Variants in DAP observed in about 807,000 individuals in gnomAD.
DAP encodes death-associated protein 1.
In DAP, 8 loss-of-function variants were observed where a neutral mutation model predicts 13.8. The observed-to-expected ratio is 0.58, with a 90% CI of 0.34 to 1.05. The LOEUF (loss-of-function observed/expected upper bound fraction) is 1.05, where lower values mean the gene tolerates loss of function less well. Ranked by LOEUF, DAP falls within the 50% of genes least tolerant of loss-of-function variation. The probability of loss-of-function intolerance (pLI) is 0.03; values close to 1 mark genes in which losing one functional copy is unlikely to be tolerated. For synonymous variants in DAP, 47 were observed against 47.5 expected, an observed-to-expected ratio of 0.99 and a Z score of 0.04; for missense variants, 106 against 133.2, an observed-to-expected ratio of 0.80 and a Z score of 1.01.
chr5:10,705,472 G>T (rs907251610), intron 2 of DAP, among the ~76,000 whole-genome samples: 4 of 152,216 alleles, frequency 2.6e-5, no homozygotes, highest in Non-Finnish European at 5.9e-5. Flanking sequence ...CAGAAGCCTG[G>T]GCTCTCTCCA....
chr5:10,733,204 GTGTA>G lies in DAP; in HGVS notation c.152+14967_152+14970del, dbSNP rs1164028667. Among the ~76,000 whole-genome samples the G allele has an allele frequency of 1.6e-3, 55 of 34,228 alleles. 1 individual carries two copies. Among genetic ancestry groups the G allele is most frequent in the Non-Finnish European group, 3.4e-3 (32 of 9,514 alleles). The allele number at this position is 34,228 out of a possible 152,430, so 22.5% of individuals were successfully genotyped here. ...TGTGTGTGTGTGTGTGTGTGTGTGT[GTGTA>G]TACCCTACATTTTGTTTCTCCATTC... is the stretch of plus-strand genomic sequence containing the variant. On this transcript the variant is annotated intron_variant, in intron 2 of 3. Transcript: ENST00000230895.
Position 10,680,466 on chromosome 5 carries a change from T to C in DAP, c.*590A>G. 1 of 504,364 alleles carries C rather than the reference T, an allele frequency of 2.0e-6. No homozygotes were observed. The highest frequency in any genetic ancestry group is 3.5e-6 in the Non-Finnish European group (1 of 285,900). The allele number at this position is 504,364 out of a possible 1,614,324, so 31.2% of individuals were successfully genotyped here. A position where few individuals can be genotyped will look rare whatever the true frequency, so the allele number is the denominator to read the frequency against. On this transcript the variant is annotated 3_prime_UTR_variant, in exon 4 of 4. Transcript: ENST00000230895. Reference sequence around the variant, plus strand: ...GTTGACTCCTGGAATTGAGGGGCTATTTCTAAGATGCATGCTTTTTCGGCT... The same window carrying C: ...GTTGACTCCTGGAATTGAGGGGCTACTTCTAAGATGCATGCTTTTTCGGCT...
chr5:10,689,107 G>A (rs925614331), intron 2 of DAP, among the ~76,000 whole-genome samples: 5 of 152,138 alleles, frequency 3.3e-5, no homozygotes, highest in South Asian at 2.1e-4. Context: ...TCTATGCCTC[G>A]AGTATGTACC....
intron 2 of DAP, among the ~76,000 whole-genome samples, chr5:10,688,530 G>A (rs772872978): frequency 5.3e-5 from 8 of 152,112 alleles, no homozygotes; most frequent in Non-Finnish European, 8.8e-5. Flanking sequence ...GCTTTATTAT[G>A]GTGGCCTGGA....
intron 2 of DAP, among the ~76,000 whole-genome samples, chr5:10,717,498 T>C (rs947097844): frequency 2.0e-5 from 3 of 152,188 alleles, no homozygotes; most frequent in Admixed American, 2.0e-4. Flanking sequence ...CCAGAAGGAA[T>C]TTCCCTATTC....
At chr5:10,733,194 GTGTGTGTGTGTGTA>G (rs56888259) in intron 2 of DAP, among the ~76,000 whole-genome samples, 8,359 of 117,434 alleles carry the variant, frequency 0.071, 308 homozygotes, top group Non-Finnish European at 0.086. Context: ...GTGTGTGTGT[GTGTGTGTGTGTGTA>G]TACCCTACAT....
intron 2 of DAP, among the ~76,000 whole-genome samples, chr5:10,742,941 C>CCATCCATCCATCCATCCATT (rs1397325789): frequency 3.3e-5 from 5 of 152,174 alleles, no homozygotes; most frequent in African/African-American, 1.2e-4. Flanking sequence ...ATCCATCCAT[C>CCATCCATCCATCCATCCATT]CATCCATCCA....
At position 10,716,271 on chromosome 5, in the gene DAP, A is replaced by G. The variant is rs539942946; in HGVS notation, c.152+31904T>C. The stretch of plus-strand genomic sequence containing the variant: ...GCGACTAAGAGAAATTGTGCTTTCA[A>G]TGAACTTTTCAGGAACACATCTATC... On this transcript the variant is annotated intron_variant, in intron 2 of 3. Coordinates refer to ENST00000230895, the MANE Select transcript of DAP (RefSeq NM_004394.3). Among the ~76,000 whole-genome samples the G allele has an allele frequency of 5.3e-5, 8 of 152,344 alleles. No individual in the cohort carries two copies. The South Asian group carries it at 1.7e-3, about 32-fold the overall frequency.
intron 1 of DAP, among the ~76,000 whole-genome samples, chr5:10,750,994 C>G (rs894438347): frequency 1.6e-4 from 24 of 152,216 alleles, no homozygotes; most frequent in African/African-American, 3.6e-4. Flanking sequence ...TAAAAGCAAG[C>G]CTTTGTTTAC....
chr5:10,695,698 T>C (rs563591237), intron 2 of DAP, among the ~76,000 whole-genome samples: 1 of 152,288 alleles, frequency 6.6e-6, no homozygotes, highest in East Asian at 1.9e-4. Context: ...ACACTGTGAT[T>C]TCAGGACAAA....
intron 2 of DAP, among the ~76,000 whole-genome samples, chr5:10,720,141 T>C (rs369850366): frequency 1.3e-5 from 2 of 152,218 alleles, no homozygotes; most frequent in African/African-American, 4.8e-5. Flanking sequence ...AGCAAGTTTA[T>C]TGACTTTATA....
chr5:10,759,737 T>C (rs1245954185), intron 1 of DAP, among the ~76,000 whole-genome samples: 2 of 134,934 alleles, frequency 1.5e-5, no homozygotes, highest in South Asian at 2.3e-4. Context: ...AGAAGGATAA[T>C]GGGAATCTTT....
chr5:10,735,172 T>TA (rs57849320), intron 2 of DAP, among the ~76,000 whole-genome samples: 47,307 of 151,878 alleles, frequency 0.31, 7,691 homozygotes, highest in East Asian at 0.53. Flanking sequence ...ACAAGTAGCT[T>TA]AAAAAAAATT....
chr5:10,705,882 G>C (rs1037967059), intron 2 of DAP, among the ~76,000 whole-genome samples: 1 of 152,164 alleles, frequency 6.6e-6, no homozygotes, highest in Non-Finnish European at 1.5e-5. Context: ...TTAGTTCCAT[G>C]AGCCATAAAA....
At chr5:10,702,840 G>C (rs1399018972) in intron 2 of DAP, among the ~76,000 whole-genome samples, 1 of 152,130 alleles carries the variant, frequency 6.6e-6, no homozygotes, top group Non-Finnish European at 1.5e-5. Flanking sequence ...AGCTCATCTT[G>C]TTAAGAAAGC....
At chr5:10,744,999 A>G (rs1044824953) in intron 2 of DAP, among the ~76,000 whole-genome samples, 4 of 152,240 alleles carry the variant, frequency 2.6e-5, no homozygotes, top group Admixed American at 2.6e-4. Flanking sequence ...GCTCTGAGAT[A>G]GGGATGATAA....
intron 2 of DAP, among the ~76,000 whole-genome samples, chr5:10,705,364 A>C (rs1738671983): frequency 6.6e-6 from 1 of 152,226 alleles, no homozygotes; most frequent in African/African-American, 2.4e-5. Flanking sequence ...ACAGTGATCT[A>C]GTGGGAGGCC....
chr5:10,740,583 T>A (rs1333069852), intron 2 of DAP, among the ~76,000 whole-genome samples: 2 of 152,098 alleles, frequency 1.3e-5, no homozygotes, highest in East Asian at 3.8e-4. Context: ...TGACAAGAAT[T>A]ATGGCTGACT....
chr5:10,747,775 C>T (rs1238512855), intron 2 of DAP, among the ~76,000 whole-genome samples: 2 of 152,190 alleles, frequency 1.3e-5, no homozygotes, highest in Admixed American at 6.5e-5. Context: ...CAGCTGTGTC[C>T]ACCATCAGAA....
Sources: gnomAD v4.1 joint callset for allele counts (sites outside exome capture counted in the v4.1 genomes callset) on GRCh38, gnomAD v4.1.1 for gene constraint, MANE v1.5 for transcripts, NCBI Gene and HGNC (gene_info 2026-07-23, HGNC 2026-07-21) for gene names.